The following CEP70 variants were observed in gnomAD, a reference collection of about 807,000 sequenced individuals.
CEP70 encodes centrosomal protein of 70 kDa.
In CEP70, 70 loss-of-function variants were observed where a neutral mutation model predicts 90.9. The ratio of observed to expected loss-of-function variants is 0.77; its 90% confidence interval spans 0.64 to 0.94. CEP70 has a LOEUF of 0.94. Ranked by LOEUF, CEP70 falls within the 40% of genes least tolerant of loss-of-function variation. The pLI, the probability that CEP70 is intolerant of heterozygous loss-of-function variation, is 0.00. For synonymous variants in CEP70, 220 were observed against 228.3 expected (o/e 0.96, Z 0.33); for missense variants, 648 against 669.0 (o/e 0.97, Z 0.35).
intron 2 of CEP70, among the ~76,000 whole-genome samples, chr3:138,582,394 C>T (rs1369325681): frequency 1.3e-5 from 2 of 151,800 alleles, no homozygotes; most frequent in African/African-American, 2.4e-5. Context: ...ATCGCTTGAA[C>T]CTGGGAGGTG....
intron 2 of CEP70, among the ~76,000 whole-genome samples, chr3:138,573,832 C>A (rs1032694230): frequency 2.0e-5 from 3 of 152,202 alleles, no homozygotes; most frequent in African/African-American, 4.8e-5. Flanking sequence ...TCTGTTAACA[C>A]TGGGCTTTTG....
At chr3:138,553,539 C>T (rs1018698203) in intron 6 of CEP70, among the ~76,000 whole-genome samples, 2 of 150,980 alleles carry the variant, frequency 1.3e-5, no homozygotes, top group African/African-American at 4.9e-5. Context: ...TTCTACCAGA[C>T]ATTCAAAGAA....
rs779505190 is a variant in CEP70 at position 138,500,816 on chromosome 3, C to A, written c.1287G>T (p.Gln429His). The change falls in exon 14 of 18, where the codon CAG becomes CAT. Residue 429 changes from glutamine (Q) to histidine (H), a missense_variant. By Grantham distance (24) the Gln-to-His change is conservative. Coordinates refer to ENST00000264982, the MANE Select transcript of CEP70 (RefSeq NM_024491.4). ...CAACTTTGATACCTTCATTTTCATC[C>A]TGCTTCTTCAAATTAAGCCAAGGTA... Reference protein sequence around the residue: ...ELVPWLNLKKQDENEGIKVED... With the variant: ...ELVPWLNLKKHDENEGIKVED... 1 of 1,606,218 alleles carries A rather than the reference C, an allele frequency of 6.2e-7. No homozygotes were observed. Among genetic ancestry groups the A allele is most frequent in the South Asian group, 1.1e-5 (1 of 90,264 alleles).
intron 2 of CEP70, among the ~76,000 whole-genome samples, chr3:138,580,446 C>A (rs1457924932): frequency 6.6e-6 from 1 of 152,192 alleles, no homozygotes; most frequent in Non-Finnish European, 1.5e-5. Flanking sequence ...GCAAAAACCA[C>A]AGCTTTACTG....
At chr3:138,560,972 C>T (rs1465215012) in intron 6 of CEP70, among the ~76,000 whole-genome samples, 3 of 152,276 alleles carry the variant, frequency 2.0e-5, no homozygotes, top group Non-Finnish European at 4.4e-5. Context: ...CCTGGCCTGA[C>T]GGCTCTGAAG....
intron 3 of CEP70, 151 bp downstream of exon 3, chr3:138,572,708 G>C (rs1370208112): frequency 4.5e-6 from 3 of 663,526 alleles, no homozygotes; most frequent in Non-Finnish European, 5.4e-6. Flanking sequence ...TGAAGTCTTA[G>C]AGTAATTAAA....
intron 6 of CEP70, among the ~76,000 whole-genome samples, chr3:138,553,540 A>G (rs951810128): frequency 2.6e-5 from 4 of 152,010 alleles, no homozygotes; most frequent in Admixed American, 6.5e-5. Flanking sequence ...TCTACCAGAC[A>G]TTCAAAGAAT....
rs1025798106 is a variant in CEP70, at chr3:138,591,862, T to C, written c.-14A>G. Reference sequence around the variant, plus strand: ...CGTTACATTAGACATACCTCAGTCATAGCATATTACTCTTGCACTTTACAC... The same window carrying C: ...CGTTACATTAGACATACCTCAGTCACAGCATATTACTCTTGCACTTTACAC... On this transcript the variant is annotated 5_prime_UTR_variant, in exon 2 of 18. An upstream start codon of the reference 5' UTR is lost. Coordinates refer to ENST00000264982, the MANE Select transcript of CEP70 (RefSeq NM_024491.4). The C allele has an allele frequency of 1.2e-5, 18 of 1,528,244 alleles. No homozygotes were observed. The highest frequency in any genetic ancestry group is 1.6e-5 in the Non-Finnish European group (18 of 1,143,712). 94.7% of individuals were successfully genotyped at this position (1,528,244 alleles called of 1,614,324 possible).
intron 12 of CEP70, among the ~76,000 whole-genome samples, chr3:138,506,792 A>C (rs2035024732): frequency 6.6e-6 from 1 of 152,200 alleles, no homozygotes; most frequent in South Asian, 2.1e-4. Context: ...CCTAAGATGG[A>C]GTGCAGTGGT....
intron 11 of CEP70, among the ~76,000 whole-genome samples, chr3:138,525,215 G>T (rs1000355330): frequency 6.6e-6 from 1 of 151,430 alleles, no homozygotes; most frequent in African/African-American, 2.4e-5. Flanking sequence ...GTTGAACAAT[G>T]AGAACACATG....
chr3:138,525,269 T>TG (rs2037102336), intron 11 of CEP70, among the ~76,000 whole-genome samples: 1 of 120,400 alleles, frequency 8.3e-6, no homozygotes, highest in Non-Finnish European at 1.7e-5. Context: ...TGTTATGGGG[T>TG]GGGGGGAGTG....
intron 2 of CEP70, among the ~76,000 whole-genome samples, chr3:138,583,790 A>G (rs2041978149): frequency 1.3e-5 from 2 of 152,174 alleles, no homozygotes; most frequent in Non-Finnish European, 2.9e-5. Context: ...ACCAAAACCT[A>G]TGGGATACAG....
chr3:138,497,388 C>T, intron 17 of CEP70: 16 of 1,191,386 alleles, frequency 1.3e-5, no homozygotes, highest in Non-Finnish European at 1.7e-5. Context: ...CTGGTGAATA[C>T]ATCACTTTAA....
chr3:138,534,255 T>G (rs565879767), intron 7 of CEP70, among the ~76,000 whole-genome samples: 1 of 152,334 alleles, frequency 6.6e-6, no homozygotes, highest in East Asian at 1.9e-4. Flanking sequence ...CAGCCAATTG[T>G]GCTCTTAATG....
intron 17 of CEP70, chr3:138,497,183 G>C (rs1025758724): frequency 8.4e-6 from 10 of 1,191,144 alleles, no homozygotes; most frequent in Non-Finnish European, 1.1e-5. Context: ...ACATAAGACT[G>C]GTCACAAAAC....
intron 16 of CEP70, among the ~76,000 whole-genome samples, chr3:138,499,514 C>T (rs1291768402): frequency 6.6e-6 from 1 of 152,164 alleles, no homozygotes; most frequent in African/African-American, 2.4e-5. Flanking sequence ...TTCCTGAAAA[C>T]AGGCTTATGC....
At chr3:138,522,662 A>G (rs530714279) in intron 11 of CEP70, among the ~76,000 whole-genome samples, 19 of 152,322 alleles carry the variant, frequency 1.2e-4, no homozygotes, top group Non-Finnish European at 2.1e-4. Flanking sequence ...CACCCTCCCA[A>G]GACTAAACCA....
At chr3:138,520,656 C>T (rs1460839687) in intron 11 of CEP70, among the ~76,000 whole-genome samples, 2 of 152,274 alleles carry the variant, frequency 1.3e-5, no homozygotes, top group East Asian at 1.9e-4. Flanking sequence ...ACACAATATA[C>T]CAGAATCTCT....
chr3:138,519,441 G>T (rs1198263683), intron 11 of CEP70, among the ~76,000 whole-genome samples: 3 of 152,166 alleles, frequency 2.0e-5, no homozygotes, highest in Non-Finnish European at 4.4e-5. Context: ...AGAAAGGTCG[G>T]GTTACCTACA....
Sources: allele counts gnomAD v4.1 joint callset (sites outside exome capture counted in the v4.1 genomes callset), GRCh38; gene constraint gnomAD v4.1.1; transcripts MANE v1.5; gene names NCBI Gene and HGNC (gene_info 2026-07-23, HGNC 2026-07-21).